The following TTC34 variants were observed in gnomAD, a reference collection of about 807,000 sequenced individuals.
TTC34 encodes the protein tetratricopeptide repeat protein 34.
In TTC34, 44 loss-of-function variants were observed where a neutral mutation model predicts 40.7. The observed-to-expected ratio is 1.08, with a 90% CI of 0.85 to 1.39. The LOEUF (loss-of-function observed/expected upper bound fraction) is 1.39. TTC34 is among the 40% of genes most tolerant of loss of function. The pLI is 0.00. For synonymous variants in TTC34, 422 were observed against 398.6 expected, an observed-to-expected ratio of 1.06 and a Z score of -0.70; for missense variants, 884 against 838.0, an observed-to-expected ratio of 1.05 and a Z score of -0.68.
chr1:2,771,363 C>G (rs549378525), intron 6 of TTC34, among the ~76,000 whole-genome samples: 1 of 69,962 alleles, frequency 1.4e-5, no homozygotes, highest in Non-Finnish European at 2.5e-5. Context: ...AATTCTCCAA[C>G]CACAGGTGAG....
chr1:2,782,632 TC>T (rs909682847), intron 6 of TTC34, among the ~76,000 whole-genome samples: 2 of 152,188 alleles, frequency 1.3e-5, no homozygotes, highest in Non-Finnish European at 2.9e-5. Context: ...GCTATACATT[TC>T]CCCCTCAGGA....
chr1:2,699,479 G>T (rs1382326937), intron 6 of TTC34, among the ~76,000 whole-genome samples: 1 of 117,344 alleles, frequency 8.5e-6, no homozygotes, highest in Admixed American at 9.7e-5. Context: ...TGACAGCCTG[G>T]AGCAGCACCC....
exon 8 of TTC34, chr1:2,644,454 T>G: frequency 6.5e-7 from 1 of 1,534,164 alleles, no homozygotes; most frequent in Non-Finnish European, 8.7e-7. Context: ...TTTTTCCAGG[T>G]GGGTGCCAGC....
intron 6 of TTC34, among the ~76,000 whole-genome samples, chr1:2,767,846 C>T (rs1382150095): frequency 2.0e-5 from 3 of 147,494 alleles, no homozygotes; most frequent in South Asian, 2.2e-4. Flanking sequence ...AGCACCCACA[C>T]CCCCAGGTGT....
chr1:2,641,372 T>C (rs1638897832), exon 9 of TTC34: 2 of 1,508,180 alleles, frequency 1.3e-6, no homozygotes, highest in African/African-American at 1.4e-5. Flanking sequence ...GCCCAGTCAC[T>C]GTAGCCAGCA....
At chr1:2,695,876 C>CA (rs1474741148) in intron 6 of TTC34, among the ~76,000 whole-genome samples, 5 of 132,924 alleles carry the variant, frequency 3.8e-5, no homozygotes, top group Non-Finnish European at 4.9e-5. Flanking sequence ...GAACCCACAC[C>CA]CCGAGGCGAG....
intron 6 of TTC34, among the ~76,000 whole-genome samples, chr1:2,651,719 C>A (rs1001539896): frequency 6.6e-6 from 1 of 151,836 alleles, no homozygotes; most frequent in African/African-American, 2.4e-5. Flanking sequence ...CCACCCCTCT[C>A]CAACCTTCAG....
chr1:2,683,878 A>G (rs1557607478), intron 6 of TTC34, among the ~76,000 whole-genome samples: 1 of 151,372 alleles, frequency 6.6e-6, no homozygotes, highest in East Asian at 1.9e-4. Flanking sequence ...CCACACCCCG[A>G]GGCGAGCATC....
chr1:2,764,400 C>G (rs1170652079), intron 6 of TTC34, among the ~76,000 whole-genome samples: 2 of 147,708 alleles, frequency 1.4e-5, no homozygotes, highest in African/African-American at 5.0e-5. Context: ...GAGCATCTGA[C>G]AGCCTGGAGC....
chr1:2,797,148 T>G (rs1346472365), intron 2 of TTC34, among the ~76,000 whole-genome samples: 1 of 152,206 alleles, frequency 6.6e-6, no homozygotes, highest in Admixed American at 6.5e-5. Context: ...GCACTCCGTA[T>G]GCCCTTGGCA....
At chr1:2,752,957 C>A (rs1641373833) in intron 6 of TTC34, among the ~76,000 whole-genome samples, 3 of 141,702 alleles carry the variant, frequency 2.1e-5, no homozygotes, top group Non-Finnish European at 4.6e-5. Context: ...ATCCGATAGC[C>A]TGGAGCAACA....
chr1:2,684,311 C>A (rs577870516), intron 6 of TTC34, among the ~76,000 whole-genome samples: 1 of 136,902 alleles, frequency 7.3e-6, no homozygotes, highest in Admixed American at 7.4e-5. Context: ...GGTCGGCACC[C>A]ACACCCCCAA....
At chr1:2,675,145 GTAGCAGCA>G (rs1557599712) in intron 6 of TTC34, among the ~76,000 whole-genome samples, 86 of 6,980 alleles carry the variant, frequency 0.012, 3 homozygotes, top group Non-Finnish European at 0.025. Flanking sequence ...CTGACAGCCC[GTAGCAGCA>G]CCCACACCCC....
At chr1:2,755,548 G>A (rs1641475535) in intron 6 of TTC34, among the ~76,000 whole-genome samples, 1 of 107,564 alleles carries the variant, frequency 9.3e-6, no homozygotes, top group Non-Finnish European at 1.8e-5. Context: ...CACACCCACA[G>A]GCGAGCATCT....
intron 6 of TTC34, among the ~76,000 whole-genome samples, chr1:2,749,462 CGG>C (rs1641246475): frequency 6.8e-5 from 7 of 102,568 alleles, no homozygotes; most frequent in African/African-American, 1.4e-4. Context: ...GAGCATCTGA[CGG>C]CCTGGAACAG....
Position 2,796,906 on chromosome 1 carries a change from G to A in TTC34, c.784+3138C>T, listed in dbSNP as rs142437625. ...TCTCGTTGGGGTCACCAAGAACCTC[G>A]GCACCACACGCCCAACGCACACTCC... On this transcript the variant is annotated intron_variant, in intron 2 of 8. Coordinates refer to ENST00000401095, the Ensembl canonical transcript of TTC34. This position sits in a 1 kb window ranked among gnomAD's most constrained non-coding sequence, Gnocchi z 4.5. 6.6e-6 allele frequency among the ~76,000 whole-genome samples: 1 copy of A among 152,058 alleles called. No homozygotes were observed. The highest frequency in any genetic ancestry group is 1.5e-5 in the Non-Finnish European group (1 of 68,012).
chr1:2,666,219 A>T, intron 6 of TTC34, among the ~76,000 whole-genome samples: 1 of 70,792 alleles, frequency 1.4e-5, no homozygotes, highest in African/African-American at 4.8e-5. Flanking sequence ...CCCCCAGGTG[A>T]GCATCTGACA....
At chr1:2,686,963 C>G (rs1161938705) in intron 6 of TTC34, among the ~76,000 whole-genome samples, 5,451 of 113,016 alleles carry the variant, frequency 0.048, no homozygotes, top group Non-Finnish European at 0.075. Flanking sequence ...AGCACCCACA[C>G]TGCCAGGCGA....
rs754273175 is a variant in TTC34 at position 2,785,893 on chromosome 1, C to G, written c.1985G>C (p.Arg662Pro). The G allele has an allele frequency of 6.5e-7, 1 of 1,538,288 alleles. No homozygotes were observed. The highest frequency in any genetic ancestry group is 8.8e-7 in the Non-Finnish European group (1 of 1,138,970). ...AACCCTGCCGTCGGCCCCGCCTGGC[C>G]GTGCCCGCAGGATGGCCAGGGCCCT... The change falls in exon 5 of 9, where the codon CGG (arginine) becomes CCG (proline). Residue 662 changes from arginine (R) to proline (P), a missense_variant. Transcript: ENST00000401095.
Sources: allele counts gnomAD v4.1 joint callset (sites outside exome capture counted in the v4.1 genomes callset), GRCh38; gene constraint gnomAD v4.1.1; non-coding constraint Gnocchi (gnomAD v3.1); transcripts MANE v1.5; gene names NCBI Gene and HGNC (gene_info 2026-07-23, HGNC 2026-07-21).